The following ADAMTS17 variants were observed in gnomAD, a reference collection of about 807,000 sequenced individuals.
The protein encoded by ADAMTS17 is A disintegrin and metalloproteinase with thrombospondin motifs 17.
A neutral mutation model predicts 141.5 loss-of-function variants in ADAMTS17; 113 were observed. The ratio of observed to expected loss-of-function variants is 0.80; its 90% confidence interval spans 0.69 to 0.93. The LOEUF (loss-of-function observed/expected upper bound fraction) is 0.93, where lower values mean the gene tolerates loss of function less well. Ranked by LOEUF, ADAMTS17 falls within the 40% of genes least tolerant of loss-of-function variation. ADAMTS17 has a pLI of 0.00. For missense variants in ADAMTS17, 1,659 were observed against 1,517.9 expected, an observed-to-expected ratio of 1.09 and a Z score of -1.54; for synonymous variants, 768 against 630.6, an observed-to-expected ratio of 1.22 and a Z score of -3.27.
At chr15:100,265,232 G>A (rs1445667773) in intron 4 of ADAMTS17, among the ~76,000 whole-genome samples, 2 of 152,212 alleles carry the variant, frequency 1.3e-5, no homozygotes, top group East Asian at 1.9e-4. Flanking sequence ...TGCCAAGCCA[G>A]GCGAGCCAGG....
intron 20 of ADAMTS17, among the ~76,000 whole-genome samples, chr15:99,986,952 G>T (rs1464513876): frequency 6.6e-6 from 1 of 152,206 alleles, no homozygotes; most frequent in Non-Finnish European, 1.5e-5. Flanking sequence ...ATGGGAACGT[G>T]ATGTGTGTCC....
At chr15:100,183,539 T>C (rs1188509726) in intron 8 of ADAMTS17, among the ~76,000 whole-genome samples, 1 of 152,248 alleles carries the variant, frequency 6.6e-6, no homozygotes, top group Non-Finnish European at 1.5e-5. Flanking sequence ...AATTTTGTTT[T>C]TGTTTCAAGA....
At chr15:100,305,792 G>A (rs1233671785) in intron 3 of ADAMTS17, 2 of 152,378 alleles carry the variant, frequency 1.3e-5, no homozygotes, top group Non-Finnish European at 2.9e-5. Context: ...GCCAAGGCAG[G>A]AGGACTGCTT....
intron 7 of ADAMTS17, among the ~76,000 whole-genome samples, chr15:100,223,342 C>T (rs1437495323): frequency 1.3e-5 from 2 of 152,008 alleles, no homozygotes; most frequent in African/African-American, 4.8e-5. Flanking sequence ...TCTTTTTTTT[C>T]AGTATTAGAA....
At chr15:100,134,627 T>C (rs1164973109) in intron 10 of ADAMTS17, among the ~76,000 whole-genome samples, 1 of 152,150 alleles carries the variant, frequency 6.6e-6, no homozygotes, top group Non-Finnish European at 1.5e-5. Context: ...AACATCTGCA[T>C]AGAAGAGACG....
chr15:100,205,506 A>G (rs992669584), intron 7 of ADAMTS17, among the ~76,000 whole-genome samples: 3 of 152,300 alleles, frequency 2.0e-5, no homozygotes, highest in Admixed American at 1.3e-4. Flanking sequence ...AGCAGGACCC[A>G]TCACGTGGGA....
intron 15 of ADAMTS17, among the ~76,000 whole-genome samples, chr15:100,074,589 T>C (rs1351512731): frequency 6.6e-6 from 1 of 151,934 alleles, no homozygotes; most frequent in East Asian, 1.9e-4. Flanking sequence ...CACTTGGTGA[T>C]AGCATATTAT....
chr15:100,161,290 A>G (rs2039682626), intron 8 of ADAMTS17, among the ~76,000 whole-genome samples: 1 of 152,114 alleles, frequency 6.6e-6, no homozygotes, highest in African/African-American at 2.4e-5. Flanking sequence ...AACCTCTGCC[A>G]CTCTGGAAGC....
At chr15:100,221,726 G>A (rs936514082) in intron 7 of ADAMTS17, among the ~76,000 whole-genome samples, 2 of 152,218 alleles carry the variant, frequency 1.3e-5, no homozygotes, top group Admixed American at 1.3e-4. Flanking sequence ...TGGATGAAGA[G>A]TGCCTCTGGG....
At chr15:100,187,048 G>A (rs2127843) in intron 8 of ADAMTS17, among the ~76,000 whole-genome samples, 11,485 of 152,050 alleles carry the variant, frequency 0.076, 679 homozygotes, top group East Asian at 0.17. Context: ...CATCTGGACC[G>A]AGAGAGCCAG....
chr15:100,101,411 C>G (rs4465591), intron 14 of ADAMTS17, among the ~76,000 whole-genome samples: 11,316 of 152,266 alleles, frequency 0.074, 825 homozygotes, highest in African/African-American at 0.18. Context: ...GTGTGCAGCA[C>G]TCGGAATGTG....
intron 7 of ADAMTS17, among the ~76,000 whole-genome samples, chr15:100,238,438 T>C (rs1465190392): frequency 6.6e-6 from 1 of 152,236 alleles, no homozygotes; most frequent in East Asian, 1.9e-4. Flanking sequence ...GAGCCGGGCC[T>C]GGCACACAGT....
At chr15:100,337,025 C>A (rs550047091) in intron 2 of ADAMTS17, among the ~76,000 whole-genome samples, 1 of 152,326 alleles carries the variant, frequency 6.6e-6, no homozygotes, top group South Asian at 2.1e-4. Flanking sequence ...AGGCGCCCAC[C>A]ACCATGCCCA....
At chr15:100,097,062 A>C (rs80102366) in intron 14 of ADAMTS17, among the ~76,000 whole-genome samples, 3,617 of 152,288 alleles carry the variant, frequency 0.024, 153 homozygotes, top group African/African-American at 0.082. Flanking sequence ...TACCTTTTCA[A>C]CAAGGCACGT....
intron 3 of ADAMTS17, among the ~76,000 whole-genome samples, chr15:100,295,656 G>A (rs1215180595): frequency 6.6e-6 from 1 of 152,116 alleles, no homozygotes; most frequent in Non-Finnish European, 1.5e-5. Context: ...CTAGCCCTAG[G>A]ATGATACCTA....
At chr15:100,262,180 C>T (rs1475664611) in intron 5 of ADAMTS17, among the ~76,000 whole-genome samples, 172 bp downstream of exon 5, 1 of 152,134 alleles carries the variant, frequency 6.6e-6, no homozygotes, top group Non-Finnish European at 1.5e-5. Context: ...ACAGCCCCCC[C>T]TCACACCATG....
intron 2 of ADAMTS17, 79 bp downstream of exon 2, chr15:100,340,960 C>G: frequency 7.9e-6 from 11 of 1,389,468 alleles, no homozygotes; most frequent in Non-Finnish European, 8.8e-6. Flanking sequence ...GCAGAGGCGC[C>G]CCACCCCCAC....
intron 15 of ADAMTS17, among the ~76,000 whole-genome samples, chr15:100,060,854 A>C (rs1596322548): frequency 6.6e-6 from 1 of 152,336 alleles, no homozygotes; most frequent in East Asian, 1.9e-4. Context: ...AGAGTAATTC[A>C]AAGTAATTCA....
chr15:100,233,651 C>T (rs1349221148), intron 7 of ADAMTS17, among the ~76,000 whole-genome samples: 7 of 152,132 alleles, frequency 4.6e-5, no homozygotes, highest in African/African-American at 9.7e-5. Flanking sequence ...CAGAGAAACA[C>T]GCAATGTCCA....
Sources: gnomAD v4.1 joint callset for allele counts (sites outside exome capture counted in the v4.1 genomes callset) on GRCh38, gnomAD v4.1.1 for gene constraint, MANE v1.5 for transcripts, NCBI Gene and HGNC (gene_info 2026-07-23, HGNC 2026-07-21) for gene names.